Variants in PRKD1 observed in about 807,000 individuals in gnomAD.
The protein encoded by PRKD1 is serine/threonine-protein kinase D1.
PRKD1 carries 63 observed loss-of-function variants against 95.9 expected under a neutral mutation model. That is an observed-to-expected ratio of 0.66 (90% CI 0.54 to 0.81). The LOEUF (loss-of-function observed/expected upper bound fraction) is 0.81. Among genes scored for constraint, PRKD1 ranks in the 30% least tolerant of loss-of-function variants. The pLI, the probability that PRKD1 is intolerant of heterozygous loss-of-function variation, is 0.00. For synonymous variants in PRKD1, 425 were observed against 423.1 expected, an observed-to-expected ratio of 1.00 and a Z score of -0.05; for missense variants, 1,048 against 1,165.3, an observed-to-expected ratio of 0.90 and a Z score of 1.47.
intron 2 of PRKD1, among the ~76,000 whole-genome samples, chr14:29,717,640 CCATCACTATTGTTATATTAA>C (rs1207967520): frequency 3.3e-5 from 5 of 151,908 alleles, no homozygotes; most frequent in South Asian, 2.1e-4. Context: ...TGTTATGTTA[CCATCACTATTGTTATATTAA>C]CATCACTATT....
At chr14:29,710,200 C>T (rs973715962) in intron 2 of PRKD1, among the ~76,000 whole-genome samples, 1 of 152,026 alleles carries the variant, frequency 6.6e-6, no homozygotes, top group Non-Finnish European at 1.5e-5. Flanking sequence ...GCAGACACTC[C>T]ACTCTCCAGA....
intron 1 of PRKD1, among the ~76,000 whole-genome samples, chr14:29,910,353 G>A (rs1409289707): frequency 6.6e-6 from 1 of 152,020 alleles, no homozygotes; most frequent in African/African-American, 2.4e-5. Flanking sequence ...AATAAACTCT[G>A]AACACGTCCG....
chr14:29,887,523 G>C (rs1893758767), intron 1 of PRKD1, among the ~76,000 whole-genome samples: 1 of 152,182 alleles, frequency 6.6e-6, no homozygotes, highest in Admixed American at 6.5e-5. Context: ...GCACTGGGCT[G>C]TATGACAGAT....
At chr14:29,585,982 A>G (rs1344474582) in intron 16 of PRKD1, among the ~76,000 whole-genome samples, 1 of 152,218 alleles carries the variant, frequency 6.6e-6, no homozygotes, top group African/African-American at 2.4e-5. Flanking sequence ...CATATGAAAA[A>G]TAGTTAAGAG....
intron 4 of PRKD1, among the ~76,000 whole-genome samples, chr14:29,640,736 G>A (rs1880703178): frequency 6.6e-6 from 1 of 152,174 alleles, no homozygotes; most frequent in Non-Finnish European, 1.5e-5. Flanking sequence ...TTTTTCCATA[G>A]TTGAAAACTT....
chr14:29,656,137 AAT>A (rs1881824154), intron 4 of PRKD1, among the ~76,000 whole-genome samples: 1 of 152,110 alleles, frequency 6.6e-6, no homozygotes. Flanking sequence ...CTTCATTCTC[AAT>A]ATGTCTGCTC....
chr14:29,731,179 C>T (rs2139409136), intron 1 of PRKD1, among the ~76,000 whole-genome samples: 1 of 152,028 alleles, frequency 6.6e-6, no homozygotes, highest in East Asian at 1.9e-4. Flanking sequence ...GTCTAAATTC[C>T]CTTGTGAATT....
intron 1 of PRKD1, among the ~76,000 whole-genome samples, chr14:29,850,737 T>C (rs1482131934): frequency 6.6e-6 from 1 of 151,598 alleles, no homozygotes; most frequent in Non-Finnish European, 1.5e-5. Context: ...TTCTAAAATG[T>C]ACATGGAACT....
intron 1 of PRKD1, among the ~76,000 whole-genome samples, chr14:29,828,974 T>C (rs964105274): frequency 3.3e-5 from 5 of 152,188 alleles, no homozygotes; most frequent in Non-Finnish European, 7.3e-5. Flanking sequence ...TTTGGAGTGC[T>C]CCCTCTTGGG....
intron 1 of PRKD1, among the ~76,000 whole-genome samples, chr14:29,837,694 T>C (rs1021285881): frequency 2.0e-5 from 3 of 152,214 alleles, no homozygotes; most frequent in Non-Finnish European, 2.9e-5. Flanking sequence ...CCATTAATTA[T>C]AGCAATATAT....
chr14:29,595,571 C>T (rs1893268986), intron 16 of PRKD1, among the ~76,000 whole-genome samples: 1 of 152,124 alleles, frequency 6.6e-6, no homozygotes, highest in African/African-American at 2.4e-5. Flanking sequence ...ATCTAGTCCT[C>T]CGGTGTCTAT....
intron 5 of PRKD1, 54 bp from the exon 6 acceptor site, chr14:29,638,620 G>A (rs1002351319): frequency 1.9e-6 from 3 of 1,612,500 alleles, no homozygotes; most frequent in African/African-American, 2.7e-5. Flanking sequence ...ATAAAGAAAA[G>A]TGGTAACCAG....
intron 1 of PRKD1, among the ~76,000 whole-genome samples, chr14:29,859,508 T>C (rs1892628620): frequency 1.3e-5 from 2 of 151,594 alleles, no homozygotes; most frequent in South Asian, 4.2e-4. Context: ...CTCAGGAGGC[T>C]GAGGCAGGAG....
chr14:29,771,750 G>T (rs1004111859), intron 1 of PRKD1, among the ~76,000 whole-genome samples: 2 of 152,180 alleles, frequency 1.3e-5, no homozygotes, highest in African/African-American at 4.8e-5. Context: ...GCCCAGCAAA[G>T]TCATGAGGGC....
chr14:29,904,014 C>G (rs1483463955), intron 1 of PRKD1, among the ~76,000 whole-genome samples: 1 of 152,082 alleles, frequency 6.6e-6, no homozygotes, highest in Non-Finnish European at 1.5e-5. Flanking sequence ...ATAACTGCCT[C>G]TTTTGAACCA....
At chr14:29,651,395 T>C (rs1030150934) in intron 4 of PRKD1, among the ~76,000 whole-genome samples, 6 of 152,224 alleles carry the variant, frequency 3.9e-5, no homozygotes, top group Non-Finnish European at 7.3e-5. Flanking sequence ...CATTTCACTA[T>C]ATTTATTATT....
At chr14:29,863,487 C>T (rs1465883394) in intron 1 of PRKD1, among the ~76,000 whole-genome samples, 1 of 152,074 alleles carries the variant, frequency 6.6e-6, no homozygotes, top group Non-Finnish European at 1.5e-5. Flanking sequence ...TCCTTTCTCT[C>T]GAAATCTCTC....
chr14:29,880,993 C>A (rs1171237267), intron 1 of PRKD1, among the ~76,000 whole-genome samples: 1 of 152,144 alleles, frequency 6.6e-6, no homozygotes, highest in African/African-American at 2.4e-5. Flanking sequence ...CTTGCCTTGT[C>A]TCACATGAGA....
chr14:29,668,750 T>C, intron 2 of PRKD1, among the ~76,000 whole-genome samples: 1 of 152,200 alleles, frequency 6.6e-6, no homozygotes, highest in East Asian at 1.9e-4. Context: ...TTTCAGTACT[T>C]TTTTAAAAAA....
Sources: gnomAD v4.1 joint callset for allele counts (sites outside exome capture counted in the v4.1 genomes callset) on GRCh38, gnomAD v4.1.1 for gene constraint, MANE v1.5 for transcripts, NCBI Gene and HGNC (gene_info 2026-07-23, HGNC 2026-07-21) for gene names.